PTCHD4: variants seen among roughly 807,000 people sequenced by gnomAD.
PTCHD4 encodes the protein patched domain-containing protein 4.
In PTCHD4, 33 loss-of-function variants were observed where a neutral mutation model predicts 58.1. The observed-to-expected ratio is 0.57, with a 90% confidence interval of 0.43 to 0.76. The LOEUF (loss-of-function observed/expected upper bound fraction) is 0.76. Among genes scored for constraint, PTCHD4 ranks in the 30% least tolerant of loss-of-function variants. The probability of loss-of-function intolerance (pLI) is 0.00; values close to 1 mark genes in which losing one functional copy is unlikely to be tolerated. For synonymous variants in PTCHD4, 478 were observed against 409.6 expected, an observed-to-expected ratio of 1.17 and a Z score of -2.02; for missense variants, 1,058 against 1,027.1, an observed-to-expected ratio of 1.03 and a Z score of -0.41.
intron 3 of PTCHD4, among the ~76,000 whole-genome samples, chr6:48,053,232 T>C (rs1033835756): frequency 6.6e-6 from 1 of 152,112 alleles, no homozygotes; most frequent in Non-Finnish European, 1.5e-5. Flanking sequence ...CCGGAGAATG[T>C]CAAGTAAGTC....
At chr6:48,090,233 AATT>A (rs1765338467) in intron 1 of PTCHD4, among the ~76,000 whole-genome samples, 1 of 152,184 alleles carries the variant, frequency 6.6e-6, no homozygotes, top group South Asian at 2.1e-4. Context: ...AAATGCATGC[AATT>A]ATTATAGTCA....
At chr6:47,934,985 T>C (rs189286419) in intron 4 of PTCHD4, among the ~76,000 whole-genome samples, 105 of 152,336 alleles carry the variant, frequency 6.9e-4, no homozygotes, top group African/African-American at 2.4e-3. Context: ...AATAAGTCTA[T>C]GTTCACATAA....
In PTCHD4 at chr6:48,032,179, AC is replaced by A. The variant is rs573737135; in HGVS notation, c.418-23066del. Among the ~76,000 whole-genome samples the A allele has an allele frequency of 7.3e-3, 1,115 of 152,268 alleles. 7 individuals are homozygous for A. The highest frequency in any genetic ancestry group is 0.024 in the African/African-American group (994 of 41,562). On this transcript the variant is annotated intron_variant, in intron 3 of 4. Coordinates refer to ENST00000339488, the MANE Select transcript of PTCHD4 (RefSeq NM_001384253.1). ...AAAAGAAAGTGTGTATGAAAAAAAA[AC>A]ATTCTTCTCTGCTGTGTGCAATATG...
At chr6:48,087,901 G>C (rs1414516215) in intron 1 of PTCHD4, among the ~76,000 whole-genome samples, 4 of 152,128 alleles carry the variant, frequency 2.6e-5, no homozygotes, top group Non-Finnish European at 5.9e-5. Flanking sequence ...TCCTTAAGCA[G>C]TTAGATTTTA....
Position 47,862,163 on chromosome 6 carries a change from A to G in PTCHD4, c.*16140T>C, listed in dbSNP as rs1448153202. The stretch of plus-strand genomic sequence containing the variant: ...ACTTCTTTATTGTATAGGTATGACC[A>G]AGTTGGCCTTTAGGAGGCCTGATGG... On this transcript the variant is annotated 3_prime_UTR_variant, in exon 5 of 5. Transcript: ENST00000339488. Among the ~76,000 whole-genome samples the G allele has an allele frequency of 1.3e-5, 2 of 151,840 alleles. No individual in the cohort carries two copies. Among genetic ancestry groups the G allele is most frequent in the Non-Finnish European group, 2.9e-5 (2 of 67,832 alleles).
At chr6:47,955,352 A>C (rs1007796875) in intron 4 of PTCHD4, among the ~76,000 whole-genome samples, 15 of 152,210 alleles carry the variant, frequency 9.9e-5, no homozygotes, top group Non-Finnish European at 2.1e-4. Context: ...AGAAAGAAAA[A>C]ATAAACAAAA....
At chr6:47,936,897 A>G (rs1766020108) in intron 4 of PTCHD4, among the ~76,000 whole-genome samples, 1 of 152,252 alleles carries the variant, frequency 6.6e-6, no homozygotes, top group Non-Finnish European at 1.5e-5. Flanking sequence ...CTTAACCTAG[A>G]GGTGGTCAAG....
rs750332594 is a variant in PTCHD4 at position 47,879,848 on chromosome 6, G to A, written c.987C>T (p.Ala329=). Reference sequence around the variant, plus strand: ...TATAGGTGACCATCACATCAGAATAGGCATCTGCTATCCTGTCTTTGAAGG... The same window carrying A: ...TATAGGTGACCATCACATCAGAATAAGCATCTGCTATCCTGTCTTTGAAGG... ...NLPFKDRIAD[A]YSDVMVTYTM... is the part of the protein sequence containing the mutation. Residue 329 remains alanine, a synonymous_variant, in exon 5 of 5, where the codon GCC becomes GCT. Coordinates refer to ENST00000339488, the MANE Select transcript of PTCHD4 (RefSeq NM_001384253.1). The A allele has an allele frequency of 2.5e-6, 4 of 1,610,204 alleles. No homozygotes were observed. The South Asian group carries it at 3.3e-5, about 13-fold the overall frequency.
intron 4 of PTCHD4, among the ~76,000 whole-genome samples, chr6:47,883,525 T>C (rs552571082): frequency 5.8e-4 from 89 of 152,322 alleles, no homozygotes; most frequent in African/African-American, 2.1e-3. Flanking sequence ...TTTATTAAAA[T>C]GCTAGATATT....
intron 4 of PTCHD4, among the ~76,000 whole-genome samples, chr6:47,917,873 G>A (rs1765308883): frequency 6.6e-6 from 1 of 152,122 alleles, no homozygotes; most frequent in Admixed American, 6.6e-5. Context: ...CATGAAAAGT[G>A]TACAAGAAAT....
chr6:48,047,740 T>C (rs1764088675), intron 3 of PTCHD4, among the ~76,000 whole-genome samples: 1 of 151,814 alleles, frequency 6.6e-6, no homozygotes, highest in South Asian at 2.1e-4. Context: ...TTGCCCCTTC[T>C]ATCATGTGAG....
chr6:47,985,022 A>T (rs1164048027), intron 4 of PTCHD4, among the ~76,000 whole-genome samples: 1 of 152,110 alleles, frequency 6.6e-6, no homozygotes, highest in Non-Finnish European at 1.5e-5. Context: ...CAAATATGGG[A>T]ATTTCAAATA....
intron 1 of PTCHD4, among the ~76,000 whole-genome samples, chr6:48,107,428 A>G (rs1026032412): frequency 1.8e-4 from 28 of 152,222 alleles, no homozygotes; most frequent in Non-Finnish European, 3.1e-4. Context: ...TCCCTTCCTT[A>G]CACCTTATAC....
intron 4 of PTCHD4, among the ~76,000 whole-genome samples, chr6:47,965,645 C>G (rs1376547700): frequency 6.6e-6 from 1 of 152,154 alleles, no homozygotes; most frequent in African/African-American, 2.4e-5. Flanking sequence ...ACTCTTGGTT[C>G]TGGCCTGGAG....
chr6:47,879,644 G>A lies in PTCHD4; in HGVS notation c.1191C>T (p.Arg397=). 2 of 1,613,650 alleles carry A rather than the reference G, an allele frequency of 1.2e-6. No homozygotes were observed. Among genetic ancestry groups the A allele is most frequent in the African/African-American group, 2.7e-5 (2 of 75,020 alleles). The change falls in exon 5 of 5, where the codon CGC becomes CGT. Residue 397 remains arginine, a synonymous_variant. Transcript: ENST00000339488. The part of the protein sequence containing the change: ...LVFAGQLEQN[R]YHSIFCCKIP... ...TCTTACAGCAAAAGATGCTGTGGTA[G>A]CGGTTTTGCTCTAGTTGGCCAGCAA...
intron 4 of PTCHD4, among the ~76,000 whole-genome samples, chr6:47,896,238 T>G (rs139462092): frequency 6.6e-6 from 1 of 152,216 alleles, no homozygotes; most frequent in African/African-American, 2.4e-5. Flanking sequence ...ATGATTGAGA[T>G]GATTTCTGTG....
Position 48,020,198 on chromosome 6 carries a change from C to T in PTCHD4, c.418-11084G>A, listed in dbSNP as rs190027476. Among the ~76,000 whole-genome samples the T allele has an allele frequency of 2.0e-3, 300 of 152,150 alleles. 5 individuals carry two copies. Among genetic ancestry groups the T allele is most frequent in the South Asian group, 0.016 (78 of 4,828 alleles). ...TATGAGCACTAGAGATAGGGCATGG[C>T]ATGATTTTTTTTCCTTCCTTACAGC... On this transcript the variant is annotated intron_variant, in intron 3 of 4. Transcript: ENST00000339488.
At chr6:48,049,027 A>T (rs1482215627) in intron 3 of PTCHD4, among the ~76,000 whole-genome samples, 2 of 151,940 alleles carry the variant, frequency 1.3e-5, no homozygotes, top group Non-Finnish European at 2.9e-5. Flanking sequence ...AGGTACAAAG[A>T]CGATTTTCTT....
At chr6:48,085,690 C>T (rs1340561759) in intron 1 of PTCHD4, among the ~76,000 whole-genome samples, 1 of 152,302 alleles carries the variant, frequency 6.6e-6, no homozygotes, top group South Asian at 2.1e-4. Flanking sequence ...AAAAGGATTT[C>T]CTTGCTTGGC....
Sources: allele counts gnomAD v4.1 joint callset (sites outside exome capture counted in the v4.1 genomes callset), GRCh38; gene constraint gnomAD v4.1.1; transcripts MANE v1.5; gene names NCBI Gene and HGNC (gene_info 2026-07-23, HGNC 2026-07-21).